TTC7A: variants seen among roughly 807,000 people sequenced by gnomAD.
TTC7A encodes tetratricopeptide repeat domain 7A.
A neutral mutation model predicts 103.7 loss-of-function variants in TTC7A; 110 were observed. The observed-to-expected ratio is 1.06, with a 90% CI of 0.91 to 1.24. TTC7A has a LOEUF of 1.24. TTC7A is among the 50% of genes most tolerant of loss of function. The probability of loss-of-function intolerance (pLI) is 0.00; values close to 1 mark genes in which losing one functional copy is unlikely to be tolerated. For synonymous variants in TTC7A, 521 were observed against 467.9 expected (o/e 1.11, Z -1.47); for missense variants, 1,340 against 1,116.3 (o/e 1.20, Z -2.86).
In TTC7A at chr2:46,969,202, T is replaced by C. The variant is rs1415235226; in HGVS notation, c.518-5771T>C. Among the ~76,000 whole-genome samples the C allele has an allele frequency of 1.5e-4, 12 of 80,400 alleles. No individual in the cohort carries two copies. The Admixed American group carries it at 1.5e-3, about 10-fold the overall frequency. 52.7% of individuals were successfully genotyped at this position (80,400 alleles called of 152,430 possible). ...TTTGTGTTATGTGTATATAAGAGTT[T>C]GTTTTAAAAAAAAAATCTGGGCCGG... On this transcript the variant is annotated intron_variant, in intron 3 of 19. Coordinates refer to ENST00000319190, the MANE Select transcript of TTC7A (RefSeq NM_020458.4).
chr2:46,981,088 G>GTGATATAATGA (rs1674408559), intron 5 of TTC7A, among the ~76,000 whole-genome samples: 5 of 152,132 alleles, frequency 3.3e-5, no homozygotes, highest in Non-Finnish European at 4.4e-5. Flanking sequence ...TATATCATTG[G>GTGATATAATGA]CCACTGGTGA....
intron 18 of TTC7A, among the ~76,000 whole-genome samples, chr2:47,055,615 G>C (rs1287132637): frequency 6.6e-6 from 1 of 152,178 alleles, no homozygotes; most frequent in Non-Finnish European, 1.5e-5. Context: ...GGAGCTGACA[G>C]TGGGCCAGAG....
At chr2:46,937,071 G>T (rs555064387), upstream of TTC7A, among the ~76,000 whole-genome samples, 3 of 151,918 alleles carry the variant, frequency 2.0e-5, no homozygotes, top group African/African-American at 7.3e-5. The surrounding 1 kb of genome is among the most constrained non-coding windows in gnomAD (Gnocchi z 4.0). Context: ...GCCCAGGCTC[G>T]TCTCGAACTC....
rs1001458891 is a variant in TTC7A at position 46,991,064 on chromosome 2, G to A, written c.765-2386G>A. Among the ~76,000 whole-genome samples the A allele has an allele frequency of 4.5e-4, 68 of 152,092 alleles. 1 individual carries two copies. The highest frequency in any genetic ancestry group is 9.2e-4 in the Admixed American group (14 of 15,278). ...AATAGCTGGGACTACAGGCACGGGCGCCACCACAGCCTAGTTAATTTTTGT... is the reference window on the plus strand; with the variant it reads ...AATAGCTGGGACTACAGGCACGGGCACCACCACAGCCTAGTTAATTTTTGT... On this transcript the variant is annotated intron_variant, in intron 5 of 19. Transcript: ENST00000319190.
Position 47,049,272 on chromosome 2 carries a change from G to C in TTC7A, c.1920-677G>C, listed in dbSNP as rs568052350. Among the ~76,000 whole-genome samples the C allele has an allele frequency of 8.1e-4, 123 of 152,280 alleles. 1 individual carries two copies. Among genetic ancestry groups the C allele is most frequent in the African/African-American group, 2.8e-3 (116 of 41,550 alleles). ...GCTGGCTGGGGCTGCTTGTGCCCCA[G>C]GATGGCCACGGCGGGCTTAAGCTGG... On this transcript the variant is annotated intron_variant, in intron 16 of 19. Transcript: ENST00000319190.
At chr2:47,072,401 GC>G (rs376127939) in intron 19 of TTC7A, among the ~76,000 whole-genome samples, 11 of 152,330 alleles carry the variant, frequency 7.2e-5, no homozygotes, top group African/African-American at 2.4e-4. Flanking sequence ...AGAGGGAGAG[GC>G]CTTTCCTAGG....
intron 6 of TTC7A, among the ~76,000 whole-genome samples, chr2:46,993,933 G>C (rs1425375110): frequency 1.3e-5 from 2 of 152,188 alleles, no homozygotes; most frequent in Non-Finnish European, 2.9e-5. Context: ...AAACCAGAGA[G>C]CCACAGCTGC....
At chr2:47,058,444 C>T (rs1200547020) in intron 18 of TTC7A, among the ~76,000 whole-genome samples, 2 of 152,252 alleles carry the variant, frequency 1.3e-5, no homozygotes, top group East Asian at 3.8e-4. Flanking sequence ...TCTCCTGCTG[C>T]CTACTGGGAC....
rs543993354 is a variant in TTC7A, at chr2:46,954,351, C to A, written c.349-2488C>A. ...CACCCTCCCACTGGGCAAGGGGTTC[C>A]GTTCCCTGACTGTTGTACTGATAGA... is the stretch of plus-strand genomic sequence containing the variant. On this transcript the variant is annotated intron_variant, in intron 2 of 19. Coordinates refer to ENST00000319190, the MANE Select transcript of TTC7A (RefSeq NM_020458.4). 5.1e-4 allele frequency among the ~76,000 whole-genome samples: 77 copies of A among 152,200 alleles called. 2 individuals carry two copies. Among genetic ancestry groups the A allele is most frequent in the Middle Eastern group, 6.8e-3 (2 of 294 alleles).
At chr2:47,058,640 C>A (rs1683515529) in intron 18 of TTC7A, among the ~76,000 whole-genome samples, 1 of 152,254 alleles carries the variant, frequency 6.6e-6, no homozygotes, top group Non-Finnish European at 1.5e-5. Flanking sequence ...CGTTCCTCAT[C>A]TGTGTCTTGA....
chr2:46,923,459 G>C (rs1042779031), intron 2 of TTC7A, among the ~76,000 whole-genome samples: 3 of 152,192 alleles, frequency 2.0e-5, no homozygotes, highest in Non-Finnish European at 4.4e-5. Context: ...CTAGAAAACA[G>C]GGTCAAAGAC....
chr2:46,998,117 G>A (rs1431200154), intron 8 of TTC7A, among the ~76,000 whole-genome samples: 1 of 152,100 alleles, frequency 6.6e-6, no homozygotes, highest in Non-Finnish European at 1.5e-5. Flanking sequence ...CTGTGGCATA[G>A]GAAACAGAGG....
intron 2 of TTC7A, among the ~76,000 whole-genome samples, chr2:46,923,794 G>T (rs1056888093): frequency 6.6e-6 from 1 of 151,800 alleles, no homozygotes; most frequent in Non-Finnish European, 1.5e-5. Flanking sequence ...GTGCAATGGC[G>T]CCATCTCAGC....
At chr2:47,012,207 C>T (rs551520166) in intron 11 of TTC7A, among the ~76,000 whole-genome samples, 1 of 152,384 alleles carries the variant, frequency 6.6e-6, no homozygotes, top group East Asian at 1.9e-4. Context: ...GCAATGGGGC[C>T]TCTGTGCAGG....
In TTC7A at chr2:46,995,141, A is replaced by C. The variant is rs1250983100; in HGVS notation, c.1007A>C (p.Tyr336Ser). The stretch of plus-strand genomic sequence containing the variant: ...CTGTCATTGGTGTCTTTCAGCCTCT[A>C]CTGCCCCAAGGACAACATCGAGGAA... ...KPHLYEGDNL[Y>S]CPKDNIEEAL... Residue 336 changes from tyrosine to serine, a missense_variant, in exon 8 of 20, where the codon TAC becomes TCC. By Grantham distance (144) the Tyr-to-Ser change is moderately radical. Coordinates refer to ENST00000319190, the MANE Select transcript of TTC7A (RefSeq NM_020458.4). 3 of 1,614,008 alleles carry C rather than the reference A, an allele frequency of 1.9e-6. No homozygotes were observed. Among genetic ancestry groups the C allele is most frequent in the Non-Finnish European group, 2.5e-6 (3 of 1,180,020 alleles).
intron 17 of TTC7A, 63 bp downstream of exon 17, chr2:47,050,109 A>T: frequency 1.4e-6 from 2 of 1,395,868 alleles, no homozygotes; most frequent in Admixed American, 1.7e-5. Flanking sequence ...CCAGCTTGAG[A>T]GCACCAACAC....
At chr2:46,916,240 T>G in exon 1 of TTC7A, 2 of 874,338 alleles carry the variant, frequency 2.3e-6, no homozygotes, top group Non-Finnish European at 2.7e-6. Flanking sequence ...GCTAATTCCT[T>G]CTTGATGAAA....
intron 3 of TTC7A, chr2:46,958,381 C>T (rs1672072850): frequency 1.3e-6 from 1 of 758,330 alleles, no homozygotes; most frequent in Admixed American, 2.3e-5. Flanking sequence ...GAAACCCCTT[C>T]AGCCATGGAC....
chr2:46,971,173 C>G (rs1673324674), intron 3 of TTC7A, among the ~76,000 whole-genome samples: 2 of 152,158 alleles, frequency 1.3e-5, no homozygotes, highest in Admixed American at 1.3e-4. Context: ...TTGAAGGAGC[C>G]TACAGTCTGG....
Sources: gnomAD v4.1 joint callset for allele counts (sites outside exome capture counted in the v4.1 genomes callset) on GRCh38, gnomAD v4.1.1 for gene constraint, Gnocchi (gnomAD v3.1) non-coding constraint, MANE v1.5 for transcripts, NCBI Gene and HGNC (gene_info 2026-07-23, HGNC 2026-07-21) for gene names.